The following CYP4Z1 variants were observed in gnomAD, a reference collection of about 807,000 sequenced individuals.
The protein encoded by CYP4Z1 is cytochrome P450 family 4 subfamily Z member 1.
CYP4Z1 carries 41 observed loss-of-function variants against 54.2 expected under a neutral mutation model. The ratio of observed to expected loss-of-function variants is 0.76; its 90% confidence interval spans 0.59 to 0.98. CYP4Z1 has a LOEUF of 0.98. Among genes scored for constraint, CYP4Z1 ranks in the 50% least tolerant of loss-of-function variants. The pLI, the probability that CYP4Z1 is intolerant of heterozygous loss-of-function variation, is 0.00. For missense variants in CYP4Z1, 513 were observed against 599.0 expected (o/e 0.86, Z 1.50); for synonymous variants, 163 against 206.2 (o/e 0.79, Z 1.79).
intron 7 of CYP4Z1, chr1:47,097,063 T>TTTGGTTTTCTGTTCCTGTG (rs1644683366): frequency 6.6e-6 from 1 of 152,098 alleles, no homozygotes; most frequent in South Asian, 2.1e-4. Flanking sequence ...ACATGTGGTA[T>TTTGGTTTTCTGTTCCTGTG]TTGGTTTTCT....
rs1644756361 is a variant in CYP4Z1, at chr1:47,106,222, A to G, written c.1162A>G (p.Lys388Glu). 7 of 1,613,530 alleles carry G rather than the reference A, an allele frequency of 4.3e-6. No individual in the cohort carries two copies. Among genetic ancestry groups the G allele is most frequent in the Non-Finnish European group, 5.9e-6 (7 of 1,179,908 alleles). The change falls in exon 9 of 12, where the codon AAA (lysine) becomes GAA (glutamate). Residue 388 changes from lysine (K) to glutamate (E), a missense_variant. Lys to Glu is a moderately conservative substitution (Grantham distance 56). Transcript: ENST00000334194. ...AGTAAACATATCCCGGTTACTCGAC[A>G]AACCCATCACCTTTCCAGATGGACG... is the stretch of plus-strand genomic sequence containing the variant. ...PVVNISRLLD[K>E]PITFPDGRSL...
At chr1:47,093,813 C>G (rs555292205) in intron 6 of CYP4Z1, among the ~76,000 whole-genome samples, 1 of 152,040 alleles carries the variant, frequency 6.6e-6, no homozygotes, top group African/African-American at 2.4e-5. Flanking sequence ...AAAAAGGAAA[C>G]GTTGGAAAGC....
the CYP4Z1 span, among the ~76,000 whole-genome samples, chr1:47,055,630 T>C: frequency 1.3e-5 from 2 of 152,216 alleles, no homozygotes; most frequent in African/African-American, 2.4e-5. Context: ...ATTCAACTTC[T>C]TCCTGGTTTA....
At chr1:47,107,610 T>A (rs1474938740) in intron 9 of CYP4Z1, among the ~76,000 whole-genome samples, 1 of 152,132 alleles carries the variant, frequency 6.6e-6, no homozygotes, top group African/African-American at 2.4e-5. Context: ...ATTTCAATAA[T>A]ACCTAAATCC....
At position 47,116,683 on chromosome 1, in the gene CYP4Z1, T is replaced by G. The variant is rs1644832545; in HGVS notation, c.1300T>G (p.Ser434Ala). Residue 434 changes from serine to alanine, a missense_variant, in exon 11 of 12, where the codon TCT becomes GCT. Transcript: ENST00000334194. ...FNPLRFSRENSEKIHPYAFIP... is the reference protein window; with the variant it reads ...FNPLRFSRENAEKIHPYAFIP... ...CCCCTTGAGATTCTCCAGGGAAAAT[T>G]CTGAAAAAATACATCCCTATGCCTT... is the stretch of plus-strand genomic sequence containing the variant. 6.2e-7 allele frequency: 1 copy of G among 1,612,206 alleles called. No individual in the cohort carries two copies. Among genetic ancestry groups the G allele is most frequent in the Non-Finnish European group, 8.5e-7 (1 of 1,178,842 alleles).
the CYP4Z1 span, among the ~76,000 whole-genome samples, chr1:47,061,462 C>T: frequency 6.6e-6 from 1 of 152,152 alleles, no homozygotes; most frequent in African/African-American, 2.4e-5. Context: ...GACACATACA[C>T]CTTCCCTAGA....
At position 47,091,427 on chromosome 1, in the gene CYP4Z1, T is replaced by C. The variant is rs958326763; in HGVS notation, c.773-3139T>C. On this transcript the variant is annotated intron_variant, in intron 6 of 11. Coordinates refer to ENST00000334194, the MANE Select transcript of CYP4Z1 (RefSeq NM_178134.3). ...GGATAATAACCTGCTAATTTTGTGG[T>C]GATATTTTATAGGAGGTCCATTGGC... 3.5e-5 allele frequency among the ~76,000 whole-genome samples: 5 copies of C among 144,698 alleles called. 1 individual carries two copies. The highest frequency in any genetic ancestry group is 7.4e-5 in the Non-Finnish European group (5 of 67,270). The allele number at this position is 144,698 out of a possible 152,430, so 94.9% of individuals were successfully genotyped here. A position where few individuals can be genotyped will look rare whatever the true frequency, so the allele number is the denominator to read the frequency against.
chr1:47,103,575 C>CTTTTT (rs369939162), intron 8 of CYP4Z1, among the ~76,000 whole-genome samples: 3 of 128,592 alleles, frequency 2.3e-5, no homozygotes, highest in East Asian at 2.3e-4. Flanking sequence ...TCACCTTCTT[C>CTTTTT]TTTTTTTTTT....
chr1:47,089,128 A>G (rs1376153207), intron 6 of CYP4Z1, among the ~76,000 whole-genome samples: 2 of 148,266 alleles, frequency 1.3e-5, no homozygotes, highest in Admixed American at 1.3e-4. Context: ...TTATATTATT[A>G]TTTTTTCTGT....
chr1:47,103,021 TA>T (rs1644731170), intron 8 of CYP4Z1, among the ~76,000 whole-genome samples: 1 of 152,138 alleles, frequency 6.6e-6, no homozygotes, highest in Non-Finnish European at 1.5e-5. Context: ...CATTCTTTTT[TA>T]TTCTTTTTTT....
intron 4 of CYP4Z1, 92 bp from the exon 5 acceptor site, chr1:47,084,528 A>C: frequency 6.4e-7 from 1 of 1,551,216 alleles, no homozygotes; most frequent in Non-Finnish European, 8.7e-7. Flanking sequence ...TTATATTTTC[A>C]AACCCAGCAA....
At chr1:47,094,745 G>C in intron 7 of CYP4Z1, 76 bp downstream of exon 7, 1 of 1,041,992 alleles carries the variant, frequency 9.6e-7, no homozygotes, top group Non-Finnish European at 1.4e-6. Flanking sequence ...ACAGTGACTA[G>C]CACCTGTAAT....
In CYP4Z1 at chr1:47,094,626, A is replaced by G. The variant is rs780029967; in HGVS notation, c.833A>G (p.Gln278Arg). 6.2e-7 allele frequency: 1 copy of G among 1,611,602 alleles called. No homozygotes were observed. Among genetic ancestry groups the G allele is most frequent in the Middle Eastern group, 1.7e-4 (1 of 6,054 alleles). ...GATAAGCTAAAACAAGATACTACTC[A>G]GAAAAGGCGCTGGGATTTTCTGGAC... ...LKDKLKQDTT[Q>R]KRRWDFLDIL... Residue 278 changes from glutamine (Q) to arginine (R), a missense_variant, in exon 7 of 12, where the codon CAG (glutamine) becomes CGG (arginine). By Grantham distance (43) the Gln-to-Arg change is conservative. Transcript: ENST00000334194.
intron 6 of CYP4Z1, among the ~76,000 whole-genome samples, chr1:47,086,646 C>G (rs1644597430): frequency 6.6e-6 from 1 of 152,136 alleles, no homozygotes; most frequent in South Asian, 2.1e-4. Flanking sequence ...TGTAGGCTGT[C>G]TGTTCACTCT....
chr1:47,069,687 A>G (rs375322426), intron 2 of CYP4Z1, among the ~76,000 whole-genome samples: 35 of 151,036 alleles, frequency 2.3e-4, no homozygotes, highest in Admixed American at 3.3e-4. Flanking sequence ...CTCCCTTGAG[A>G]AGGGAGGCTT....
the CYP4Z1 span, among the ~76,000 whole-genome samples, chr1:47,060,846 C>T: frequency 2.0e-5 from 3 of 152,090 alleles, no homozygotes. Context: ...AAAATCATAC[C>T]AAACACACTG....
At chr1:47,087,212 T>G (rs1644602502) in intron 6 of CYP4Z1, among the ~76,000 whole-genome samples, 1 of 152,130 alleles carries the variant, frequency 6.6e-6, no homozygotes, top group Non-Finnish European at 1.5e-5. Flanking sequence ...TTAAAGTAGT[T>G]TTTTTCCAAT....
the CYP4Z1 span, among the ~76,000 whole-genome samples, chr1:47,057,376 ATG>A: frequency 1.4e-3 from 160 of 117,034 alleles, 4 homozygotes; most frequent in African/African-American, 4.8e-3. Context: ...ATATATATAT[ATG>A]TATATTCTGC....
upstream of CYP4Z1, among the ~76,000 whole-genome samples, chr1:47,066,904 G>C (rs1297684317): frequency 6.6e-6 from 1 of 151,694 alleles, no homozygotes; most frequent in East Asian, 1.9e-4. Flanking sequence ...AAAAAACTTA[G>C]GTATATACCT....
Sources: allele counts gnomAD v4.1 joint callset (sites outside exome capture counted in the v4.1 genomes callset), GRCh38; gene constraint gnomAD v4.1.1; transcripts MANE v1.5; gene names NCBI Gene and HGNC (gene_info 2026-07-23, HGNC 2026-07-21).